The following PLCXD3 variants were observed in gnomAD, a reference collection of about 807,000 sequenced individuals.
PLCXD3 encodes phosphatidylinositol specific phospholipase C X domain containing 3.
Under a neutral mutation model 25.5 loss-of-function variants are expected in PLCXD3, and 19 were observed. That is an observed-to-expected ratio of 0.75 (90% CI 0.52 to 1.09). The LOEUF (loss-of-function observed/expected upper bound fraction) is 1.09. Ranked by LOEUF, PLCXD3 falls within the 50% of genes least tolerant of loss-of-function variation. The pLI is 0.00. For missense variants in PLCXD3, 411 were observed against 388.1 expected (o/e 1.06, Z -0.50); for synonymous variants, 174 against 137.6 (o/e 1.26, Z -1.85).
At chr5:41,381,036 T>C (rs1412895278) in intron 2 of PLCXD3, among the ~76,000 whole-genome samples, 2 of 152,136 alleles carry the variant, frequency 1.3e-5, no homozygotes, top group Non-Finnish European at 2.9e-5. Flanking sequence ...AGTTTAAGAA[T>C]AGAGTTTGAG....
intron 2 of PLCXD3, among the ~76,000 whole-genome samples, chr5:41,335,819 A>G (rs1292607342): frequency 3.3e-5 from 5 of 152,230 alleles, no homozygotes; most frequent in Non-Finnish European, 7.4e-5. Flanking sequence ...TACAGACAGA[A>G]ATTGCTGAAT....
Position 41,382,360 on chromosome 5 carries a change from C to G in PLCXD3, c.278G>C (p.Arg93Pro). The G allele has an allele frequency of 2.5e-6, 4 of 1,613,444 alleles. No homozygotes were observed. The highest frequency in any genetic ancestry group is 3.4e-6 in the Non-Finnish European group (4 of 1,179,702). The stretch of plus-strand genomic sequence containing the variant: ...GGTGGAAATTCGAAGATCAAAATAA[C>G]GAATTCCAGCTCCTAGCTGGCCAGT... ...NFTGQLGAGI[R>P]YFDLRISTKP... is the part of the protein sequence containing the mutation. The change falls in exon 2 of 3, where the codon CGT becomes CCT. Residue 93 changes from arginine to proline, a missense_variant. Coordinates refer to ENST00000377801, the MANE Select transcript of PLCXD3 (RefSeq NM_001005473.3).
intron 1 of PLCXD3, among the ~76,000 whole-genome samples, chr5:41,494,810 G>GA (rs1331380064): frequency 1.3e-5 from 2 of 152,046 alleles, no homozygotes; most frequent in South Asian, 2.1e-4. Context: ...TGTAACAATA[G>GA]AAAAAAGGAG....
At position 41,313,198 on chromosome 5, in the gene PLCXD3, A is replaced by AT. The variant is rs941315750; in HGVS notation, c.*418dup. 1 of 162,454 alleles carries AT rather than the reference A, an allele frequency of 6.2e-6. No individual in the cohort carries two copies. The highest frequency in any genetic ancestry group is 1.4e-5 in the Non-Finnish European group (1 of 73,688). 10.1% of individuals were successfully genotyped at this position (162,454 alleles called of 1,614,324 possible). A position where few individuals can be genotyped will look rare whatever the true frequency, so the allele number is the denominator to read the frequency against. On this transcript the variant is annotated 3_prime_UTR_variant, in exon 3 of 3. Transcript: ENST00000377801. ...TAATACACAAAATGTTGGGCATTCA[A>AT]TTGTTTTGATTCCCATACAGCATCT...
At chr5:41,362,478 A>T (rs997564324) in intron 2 of PLCXD3, among the ~76,000 whole-genome samples, 1 of 152,196 alleles carries the variant, frequency 6.6e-6, no homozygotes, top group Admixed American at 6.5e-5. Context: ...AGTTGTTAGG[A>T]GGACTGAAAT....
chr5:41,465,363 T>A (rs1226063011), intron 1 of PLCXD3, among the ~76,000 whole-genome samples: 1 of 137,006 alleles, frequency 7.3e-6, no homozygotes, highest in African/African-American at 2.7e-5. Context: ...CTTTTTTTTT[T>A]TTTTTTTTTT....
At chr5:41,379,405 G>T (rs1186922739) in intron 2 of PLCXD3, among the ~76,000 whole-genome samples, 6 of 152,098 alleles carry the variant, frequency 3.9e-5, no homozygotes. Flanking sequence ...TGAATAATTT[G>T]TTGGAACTAG....
At chr5:41,357,266 C>T (rs1744645697) in intron 2 of PLCXD3, among the ~76,000 whole-genome samples, 1 of 152,072 alleles carries the variant, frequency 6.6e-6, no homozygotes, top group Non-Finnish European at 1.5e-5. Context: ...TATATTTGTA[C>T]CTTGGTATAA....
chr5:41,405,510 T>A (rs1703614932), intron 1 of PLCXD3, among the ~76,000 whole-genome samples: 1 of 152,148 alleles, frequency 6.6e-6, no homozygotes, highest in Admixed American at 6.5e-5. Flanking sequence ...TGTCTTTATA[T>A]CTTGCTGTAT....
chr5:41,478,230 A>G (rs549261840), intron 1 of PLCXD3, among the ~76,000 whole-genome samples: 31 of 152,304 alleles, frequency 2.0e-4, no homozygotes, highest in African/African-American at 7.2e-4. Context: ...CTTGGTCTCA[A>G]TTCCTCAATT....
Position 41,336,981 on chromosome 5 carries a change from C to T in PLCXD3, c.813-23211G>A, listed in dbSNP as rs867337400. On this transcript the variant is annotated intron_variant, in intron 2 of 2. Coordinates refer to ENST00000377801, the MANE Select transcript of PLCXD3 (RefSeq NM_001005473.3). Reference sequence around the variant, plus strand: ...GTAATCTAGATGGCAGGAAATTCTGCGATCATAAAATTTGTCCTTTAGCCA... The same window carrying T: ...GTAATCTAGATGGCAGGAAATTCTGTGATCATAAAATTTGTCCTTTAGCCA... Among the ~76,000 whole-genome samples the T allele has an allele frequency of 2.1e-4, 32 of 152,216 alleles. 1 individual carries two copies. The Middle Eastern group carries it at 0.014, about 65-fold the overall frequency.
chr5:41,308,710 TAAAA>T lies in PLCXD3; in HGVS notation c.*4903_*4906del, dbSNP rs35760566. 1 of 152,142 alleles carries T rather than the reference TAAAA, an allele frequency of 6.6e-6. No homozygotes were observed. Among genetic ancestry groups the T allele is most frequent in the African/African-American group, 2.4e-5 (1 of 41,444 alleles). The allele number at this position is 152,142 out of a possible 1,614,324, so 9.4% of individuals were successfully genotyped here. On this transcript the variant is annotated 3_prime_UTR_variant, in exon 3 of 3. Coordinates refer to ENST00000377801, the MANE Select transcript of PLCXD3 (RefSeq NM_001005473.3). ...CATCTTACTTGGGAAGATTGAATTT[TAAAA>T]AGTAATGGTTTGGAGAAACAATTTT...
intron 2 of PLCXD3, among the ~76,000 whole-genome samples, chr5:41,322,697 CT>C (rs1486104633): frequency 1.3e-5 from 2 of 152,188 alleles, no homozygotes; most frequent in African/African-American, 4.8e-5. Flanking sequence ...GAAAATGTGG[CT>C]GGGCGTGGTG....
chr5:41,453,475 T>C (rs934855787), intron 1 of PLCXD3, among the ~76,000 whole-genome samples: 1 of 151,872 alleles, frequency 6.6e-6, no homozygotes, highest in African/African-American at 2.4e-5. Flanking sequence ...TGTTTTATGA[T>C]ACAAGAATAG....
At chr5:41,362,901 C>G (rs1321702734) in intron 2 of PLCXD3, among the ~76,000 whole-genome samples, 1 of 152,158 alleles carries the variant, frequency 6.6e-6, no homozygotes, top group East Asian at 1.9e-4. Flanking sequence ...TCATGAATGT[C>G]TACTTTGGCA....
intron 2 of PLCXD3, among the ~76,000 whole-genome samples, chr5:41,372,218 A>G (rs1303017648): frequency 1.3e-5 from 2 of 150,712 alleles, no homozygotes; most frequent in Non-Finnish European, 3.0e-5. Flanking sequence ...AGAGAGGTTT[A>G]CTAGAGTGGG....
At chr5:41,379,434 A>C (rs1463730075) in intron 2 of PLCXD3, among the ~76,000 whole-genome samples, 1 of 152,118 alleles carries the variant, frequency 6.6e-6, no homozygotes, top group Admixed American at 6.6e-5. Context: ...AGGCTTAGGA[A>C]GCTGGAGAGA....
At chr5:41,391,827 G>A (rs1745834060) in intron 1 of PLCXD3, among the ~76,000 whole-genome samples, 2 of 152,128 alleles carry the variant, frequency 1.3e-5, no homozygotes, top group African/African-American at 4.8e-5. Flanking sequence ...CCATTTCCCT[G>A]AAGGGTGAGT....
intron 2 of PLCXD3, among the ~76,000 whole-genome samples, chr5:41,346,037 G>A (rs1037376200): frequency 3.3e-5 from 5 of 152,026 alleles, no homozygotes; most frequent in East Asian, 1.9e-4. Flanking sequence ...CCACCACCAC[G>A]CCTGGCTAAT....
Sources: allele counts gnomAD v4.1 joint callset (sites outside exome capture counted in the v4.1 genomes callset), GRCh38; gene constraint gnomAD v4.1.1; transcripts MANE v1.5; gene names NCBI Gene and HGNC (gene_info 2026-07-23, HGNC 2026-07-21).